CAPN6: variants seen among roughly 807,000 people sequenced by gnomAD.
CAPN6 encodes calpain 6, also known as calpain-6.
CAPN6 carries 16 observed loss-of-function variants against 46.0 expected under a neutral mutation model. The ratio of observed to expected loss-of-function variants is 0.35; its 90% CI spans 0.24 to 0.53. CAPN6 has a LOEUF of 0.53. Ranked by LOEUF, CAPN6 falls within the 20% of genes least tolerant of loss-of-function variation. The pLI is 0.94. For missense variants in CAPN6, 461 were observed against 498.0 expected (o/e 0.93, Z 0.71); for synonymous variants, 206 against 172.8 (o/e 1.19, Z -1.51).
At chrX:111,264,730 A>T (rs1055860230) in intron 1 of CAPN6, among the ~76,000 whole-genome samples, 1 of 110,925 alleles carries the variant, frequency 9.0e-6, no homozygotes, top group Admixed American at 9.6e-5. Flanking sequence ...AGGAGGAAAA[A>T]CAAAAACCTT....
chrX:111,257,962 C>T (rs923852168), intron 2 of CAPN6, among the ~76,000 whole-genome samples: 12 of 111,762 alleles, frequency 1.1e-4, no homozygotes, highest in Middle Eastern at 4.8e-3. Flanking sequence ...GAAATGGTCC[C>T]CGCATGACCC....
chrX:111,262,166 T>C (rs1042927928), intron 2 of CAPN6, among the ~76,000 whole-genome samples: 2 of 112,199 alleles, frequency 1.8e-5, no homozygotes, highest in Admixed American at 1.9e-4. Context: ...CCTAGATTTT[T>C]CTTGCAGGTC....
chrX:111,263,763 G>A lies in CAPN6; in HGVS notation c.165+9C>T, dbSNP rs747517042. 8.4e-7 allele frequency: 1 copy of A among 1,197,060 alleles called. No homozygotes were observed. The highest frequency in any genetic ancestry group is 1.8e-5 in the South Asian group (1 of 54,257). ...TCAAGGAGACAGAATGTGTAAAATA[G>A]AAAGTTACCTGGGGACGTTTCCACA... On this transcript the variant is annotated intron_variant, in intron 2 of 12. Transcript: ENST00000324068.
chrX:111,252,531 A>C, intron 4 of CAPN6, 32 bp from the exon 5 acceptor site: 2 of 1,132,029 alleles, frequency 1.8e-6, no homozygotes, highest in Non-Finnish European at 2.4e-6. Context: ...TATCTTTGTA[A>C]AATTGTTTTT....
At chrX:111,249,524 C>G (rs924440204) in intron 8 of CAPN6, among the ~76,000 whole-genome samples, 2 of 110,967 alleles carry the variant, frequency 1.8e-5, no homozygotes, top group Non-Finnish European at 3.8e-5. Context: ...GGAAGGGCTC[C>G]TTGGAGAATT....
At chrX:111,268,039 G>A (rs1007323638) in intron 1 of CAPN6, among the ~76,000 whole-genome samples, 9 of 111,610 alleles carry the variant, frequency 8.1e-5, no homozygotes, top group African/African-American at 2.9e-4. Context: ...CAGAGTCATA[G>A]CTTACATACA....
chrX:111,246,294 T>C lies in CAPN6; in HGVS notation c.*283A>G. The C allele has an allele frequency of 3.1e-6, 1 of 320,149 alleles. No individual in the cohort carries two copies. Among genetic ancestry groups the C allele is most frequent in the East Asian group, 5.5e-5 (1 of 18,171 alleles). The allele number at this position is 320,149 out of a possible 1,213,427, so 26.4% of individuals were successfully genotyped here. A position where few individuals can be genotyped will look rare whatever the true frequency, so the allele number is the denominator to read the frequency against. On this transcript the variant is annotated 3_prime_UTR_variant, in exon 13 of 13. Coordinates refer to ENST00000324068, the MANE Select transcript of CAPN6 (RefSeq NM_014289.4). ...GTCCAGCCTCTTGTTATTGTCCTAC[T>C]TGAATCTCACCCCCGGAAGCCCCAG...
chrX:111,255,888 G>A lies in CAPN6; in HGVS notation c.166-1485C>T, dbSNP rs1289452133. On this transcript the variant is annotated intron_variant, in intron 2 of 12. Transcript: ENST00000324068. ...GCCTGGTAGTTCACAACTACTTTTT[G>A]TTTTAGGAGAATTTTCTATCTTAAA... 4.5e-5 allele frequency among the ~76,000 whole-genome samples: 5 copies of A among 111,278 alleles called. No individual in the cohort carries two copies. In the East Asian group the frequency reaches 1.4e-3, roughly 32 times the overall value.
Position 111,246,527 on chromosome X carries a change from G to A in CAPN6, c.*50C>T, listed in dbSNP as rs376205120. On this transcript the variant is annotated 3_prime_UTR_variant, in exon 13 of 13. Transcript: ENST00000324068. Reference sequence around the variant, plus strand: ...TCTTAACTAAGACCTGGCACCTGACGGAAAATAAAAGGGTGGCACGCTTTG... The same window carrying A: ...TCTTAACTAAGACCTGGCACCTGACAGAAAATAAAAGGGTGGCACGCTTTG... The A allele has an allele frequency of 5.6e-5, 60 of 1,070,311 alleles. No homozygotes were observed. Among genetic ancestry groups the A allele is most frequent in the South Asian group, 8.1e-5 (4 of 49,169 alleles). The allele number at this position is 1,070,311 out of a possible 1,213,427, so 88.2% of individuals were successfully genotyped here. A position where few individuals can be genotyped will look rare whatever the true frequency, so the allele number is the denominator to read the frequency against.
intron 2 of CAPN6, among the ~76,000 whole-genome samples, chrX:111,262,075 A>G (rs2094988321): frequency 9.2e-6 from 1 of 108,987 alleles, no homozygotes; most frequent in South Asian, 3.9e-4. Context: ...ACGTATCTCT[A>G]TTTTTCTCCA....
At chrX:111,262,090 T>G (rs189822153) in intron 2 of CAPN6, among the ~76,000 whole-genome samples, 52 of 110,204 alleles carry the variant, frequency 4.7e-4, no homozygotes, top group African/African-American at 1.7e-3. Context: ...TCTCCATGTA[T>G]TTTTGCAAAT....
At chrX:111,255,357 A>G (rs2094982928) in intron 2 of CAPN6, among the ~76,000 whole-genome samples, 1 of 112,364 alleles carries the variant, frequency 8.9e-6, no homozygotes, top group Admixed American at 9.4e-5. Context: ...CGGTGGCATA[A>G]CAGGTAGAGA....
chrX:111,251,753 A>G lies in CAPN6; in HGVS notation c.700-11T>C. 1 of 1,190,303 alleles carries G rather than the reference A, an allele frequency of 8.4e-7. No homozygotes were observed. The highest frequency in any genetic ancestry group is 1.1e-6 in the Non-Finnish European group (1 of 877,855). ...CTCCTGATTGGGAGACTGAGAGCAA[A>G]GAAAGATATATAAAGGCACAGGAAT... On this transcript the variant is annotated splice_polypyrimidine_tract_variant and intron_variant, in intron 5 of 12. Transcript: ENST00000324068.
At chrX:111,266,723 G>C (rs1326515734) in intron 1 of CAPN6, among the ~76,000 whole-genome samples, 1 of 112,471 alleles carries the variant, frequency 8.9e-6, no homozygotes, top group Non-Finnish European at 1.9e-5. Flanking sequence ...CTCAAATCCA[G>C]GTTCTGTGCA....
At chrX:111,259,449 G>C (rs1052949560) in intron 2 of CAPN6, among the ~76,000 whole-genome samples, 1 of 112,247 alleles carries the variant, frequency 8.9e-6, no homozygotes, top group African/African-American at 3.2e-5. Context: ...AGAGAGAAAA[G>C]TGTTTCTTTC....
intron 2 of CAPN6, among the ~76,000 whole-genome samples, chrX:111,260,571 C>T (rs1028169582): frequency 2.7e-5 from 3 of 112,116 alleles, no homozygotes; most frequent in Non-Finnish European, 5.6e-5. Context: ...CTCATCTGGC[C>T]TTCCTGAGCC....
At position 111,246,567 on chromosome X, in the gene CAPN6, G is replaced by T; in HGVS notation, c.*10C>A. On this transcript the variant is annotated 3_prime_UTR_variant, in exon 13 of 13. Transcript: ENST00000324068. ...GGCACGCTTTGTCAGGATTCTCTGG[G>T]ATTGCAGATTTAGAGCTCAGTGAGA... 1 of 1,200,133 alleles carries T rather than the reference G, an allele frequency of 8.3e-7. No individual in the cohort carries two copies. Among genetic ancestry groups the T allele is most frequent in the Non-Finnish European group, 1.1e-6 (1 of 886,778 alleles).
At chrX:111,252,038 T>C in intron 5 of CAPN6, among the ~76,000 whole-genome samples, 1 of 112,255 alleles carries the variant, frequency 8.9e-6, no homozygotes, top group East Asian at 2.8e-4. Context: ...CCTCAAGATC[T>C]AGAAGCAGAG....
intron 2 of CAPN6, among the ~76,000 whole-genome samples, chrX:111,257,911 A>C (rs2094985102): frequency 8.9e-6 from 1 of 112,019 alleles, no homozygotes; most frequent in African/African-American, 3.2e-5. Flanking sequence ...TTTCTTAGGA[A>C]GAAACACACA....
Sources: allele counts gnomAD v4.1 joint callset (sites outside exome capture counted in the v4.1 genomes callset), GRCh38; gene constraint gnomAD v4.1.1; transcripts MANE v1.5; gene names NCBI Gene and HGNC (gene_info 2026-07-23, HGNC 2026-07-21).